GRIK3: variants seen among roughly 807,000 people sequenced by gnomAD.
The protein encoded by GRIK3 is glutamate ionotropic receptor kainate type subunit 3, also known as glutamate receptor ionotropic, kainate 3.
GRIK3 carries 29 observed loss-of-function variants against 102.5 expected under a neutral mutation model. The ratio of observed to expected loss-of-function variants is 0.28; its 90% CI spans 0.21 to 0.39. The LOEUF is 0.39. GRIK3 is among the 10% of genes least tolerant of loss of function. GRIK3 has a pLI of 1.00. For synonymous variants in GRIK3, 511 were observed against 504.9 expected (o/e 1.01, Z -0.16); for missense variants, 908 against 1,252.4 (o/e 0.73, Z 4.15).
chr1:36,797,144 C>T lies in GRIK3; in HGVS notation c.*4707G>A, dbSNP rs574368352. 1 of 152,132 alleles carries T rather than the reference C, an allele frequency of 6.6e-6. No homozygotes were observed. The highest frequency in any genetic ancestry group is 2.4e-5 in the African/African-American group (1 of 41,428). The allele number at this position is 152,132 out of a possible 1,614,324, so 9.4% of individuals were successfully genotyped here. A position where few individuals can be genotyped will look rare whatever the true frequency, so the allele number is the denominator to read the frequency against. The stretch of plus-strand genomic sequence containing the variant: ...GCCACCCCAAGGGGCTCTCTGAGAC[C>T]TCCGTCCCAGACTTTGCTGCTGCAG... On this transcript the variant is annotated 3_prime_UTR_variant, in exon 16 of 16. Coordinates refer to ENST00000373091, the MANE Select transcript of GRIK3 (RefSeq NM_000831.4).
chr1:36,920,484 G>A (rs1306915876), intron 1 of GRIK3, among the ~76,000 whole-genome samples: 1 of 152,110 alleles, frequency 6.6e-6, no homozygotes, highest in Non-Finnish European at 1.5e-5. Context: ...ACCCCCAGAA[G>A]CCACCGTCTG....
At chr1:36,950,878 C>G (rs935528289) in intron 1 of GRIK3, among the ~76,000 whole-genome samples, 6 of 152,220 alleles carry the variant, frequency 3.9e-5, no homozygotes, top group Non-Finnish European at 5.9e-5. Flanking sequence ...ATGATAGAAG[C>G]CTCTGAAGTT....
chr1:37,024,593 A>C (rs892869509), intron 1 of GRIK3, among the ~76,000 whole-genome samples: 9 of 151,702 alleles, frequency 5.9e-5, no homozygotes, highest in African/African-American at 2.2e-4. Flanking sequence ...AAATAGAAAA[A>C]TTAGCCAGGC....
chr1:36,843,271 G>C (rs1388764443), intron 9 of GRIK3, among the ~76,000 whole-genome samples: 1 of 152,106 alleles, frequency 6.6e-6, no homozygotes. Flanking sequence ...CGTCTATCTG[G>C]CTTCACTCAC....
chr1:37,019,953 T>C (rs927099376), intron 1 of GRIK3, among the ~76,000 whole-genome samples: 2 of 152,188 alleles, frequency 1.3e-5, no homozygotes, highest in Admixed American at 6.5e-5. Flanking sequence ...CAAGATGCCA[T>C]CTTACCTCTT....
intron 1 of GRIK3, among the ~76,000 whole-genome samples, chr1:37,001,020 G>T (rs556008396): frequency 2.0e-5 from 3 of 152,320 alleles, no homozygotes; most frequent in Non-Finnish European, 2.9e-5. Flanking sequence ...GGATGTAAAA[G>T]GTATAAGATT....
At chr1:36,911,690 G>A (rs779774365) in intron 1 of GRIK3, among the ~76,000 whole-genome samples, 11 of 152,200 alleles carry the variant, frequency 7.2e-5, no homozygotes, top group African/African-American at 2.2e-4. Flanking sequence ...AGAATCGACC[G>A]TGTTGGGAGG....
chr1:36,925,394 AG>A (rs1256559239), intron 1 of GRIK3, among the ~76,000 whole-genome samples: 3 of 152,272 alleles, frequency 2.0e-5, no homozygotes, highest in Admixed American at 1.3e-4. Flanking sequence ...CCAGTGAGCC[AG>A]TTCGTGCCCT....
At chr1:36,805,364 T>G (rs555568933) in intron 14 of GRIK3, 127 bp from the exon 15 acceptor site, 1 of 839,838 alleles carries the variant, frequency 1.2e-6, no homozygotes, top group African/African-American at 1.7e-5. Context: ...GGGGTCCCTA[T>G]CCCTGTGAGT....
intron 10 of GRIK3, among the ~76,000 whole-genome samples, chr1:36,835,502 A>G (rs1192411838): frequency 6.6e-6 from 1 of 152,178 alleles, no homozygotes; most frequent in Non-Finnish European, 1.5e-5. Context: ...GCTCAATAAC[A>G]CATCCTTGTG....
intron 7 of GRIK3, among the ~76,000 whole-genome samples, chr1:36,854,838 G>A (rs1640632444): frequency 6.6e-6 from 1 of 152,172 alleles, no homozygotes; most frequent in Non-Finnish European, 1.5e-5. Context: ...AGGTGGCCAC[G>A]CAAGGATCAT....
At chr1:36,879,646 G>A (rs1640944268) in intron 3 of GRIK3, among the ~76,000 whole-genome samples, 1 of 152,214 alleles carries the variant, frequency 6.6e-6, no homozygotes, top group South Asian at 2.1e-4. Context: ...TCACATTGGA[G>A]CAAGGGTTTT....
chr1:36,954,746 C>A (rs997763958), intron 1 of GRIK3, among the ~76,000 whole-genome samples: 1 of 152,208 alleles, frequency 6.6e-6, no homozygotes, highest in African/African-American at 2.4e-5. Context: ...CACCTGTGCA[C>A]GCACAAGGAC....
At chr1:36,953,875 G>A (rs1641873890) in intron 1 of GRIK3, among the ~76,000 whole-genome samples, 1 of 152,172 alleles carries the variant, frequency 6.6e-6, no homozygotes, top group African/African-American at 2.4e-5. Context: ...CACAGAGGGG[G>A]CCCTCAAATC....
Position 36,805,239 on chromosome 1 carries a change from T to TGAGCAGG in GRIK3, c.2315-9_2315-3dup. On this transcript the variant is annotated splice_polypyrimidine_tract_variant and splice_region_variant and intron_variant, in intron 14 of 15. Transcript: ENST00000373091. ...TGATCTTGTCCCGGTATGGGGAGCC[T>TGAGCAGG]GAGCAGGGAGAAGGGACCCCTAGCC... 1.2e-6 allele frequency: 2 copies of TGAGCAGG among 1,604,430 alleles called. No homozygotes were observed. The highest frequency in any genetic ancestry group is 8.5e-7 in the Non-Finnish European group (1 of 1,174,576).
chr1:36,882,682 G>A (rs1485418507), intron 2 of GRIK3, among the ~76,000 whole-genome samples: 1 of 152,106 alleles, frequency 6.6e-6, no homozygotes, highest in Non-Finnish European at 1.5e-5. Flanking sequence ...AGATCCACTG[G>A]ACTGAGAAAG....
chr1:36,853,521 C>A, intron 8 of GRIK3, 94 bp downstream of exon 8: 1 of 797,492 alleles, frequency 1.3e-6, no homozygotes, highest in Admixed American at 1.9e-5. Context: ...CTGTGTCTTG[C>A]CCCTTGCCTC....
chr1:36,957,271 C>T (rs1298178051), intron 1 of GRIK3, among the ~76,000 whole-genome samples: 1 of 100,860 alleles, frequency 9.9e-6, no homozygotes, highest in Non-Finnish European at 2.0e-5. Flanking sequence ...GTGAGCCTAC[C>T]TGTTCTGTGA....
intron 10 of GRIK3, among the ~76,000 whole-genome samples, chr1:36,838,906 C>T (rs756477381): frequency 2.0e-5 from 3 of 152,080 alleles, no homozygotes; most frequent in Non-Finnish European, 2.9e-5. Context: ...TAACAAGGTC[C>T]CCTGCATGTC....
Sources: gnomAD v4.1 joint callset for allele counts (sites outside exome capture counted in the v4.1 genomes callset) on GRCh38, gnomAD v4.1.1 for gene constraint, MANE v1.5 for transcripts, NCBI Gene and HGNC (gene_info 2026-07-23, HGNC 2026-07-21) for gene names.